CABLES2: variants seen among roughly 807,000 people sequenced by gnomAD.
CABLES2 encodes the protein Cdk5 and Abl enzyme substrate 2, also known as CDK5 and ABL1 enzyme substrate 2.
Under a neutral mutation model 44.8 loss-of-function variants are expected in CABLES2, and 35 were observed. The observed-to-expected ratio is 0.78, with a 90% CI of 0.60 to 1.04. The LOEUF (loss-of-function observed/expected upper bound fraction) is 1.04, where lower values mean the gene tolerates loss of function less well. Among genes scored for constraint, CABLES2 ranks in the 50% least tolerant of loss-of-function variants. The probability of loss-of-function intolerance (pLI) is 0.00; values close to 1 mark genes in which losing one functional copy is unlikely to be tolerated. For synonymous variants in CABLES2, 282 were observed against 281.1 expected, an observed-to-expected ratio of 1.00 and a Z score of -0.03; for missense variants, 566 against 615.7, an observed-to-expected ratio of 0.92 and a Z score of 0.85.
chr20:62,406,965 G>C lies in CABLES2; in HGVS notation c.312C>G (p.Leu104=), dbSNP rs1350637712. ...PARTPAPQGL[L]SPTQVPTGLG... ...GGCCGGTGGGCACCTGCGTGGGGCT[G>C]AGCAGGCCCTGGGGCGCGGGGGTCC... is the stretch of plus-strand genomic sequence containing the variant. The change falls in exon 1 of 10, where the codon CTC becomes CTG. Residue 104 remains leucine, a synonymous_variant. Transcript: ENST00000279101. The C allele has an allele frequency of 1.6e-6, 2 of 1,213,674 alleles. No individual in the cohort carries two copies. The highest frequency in any genetic ancestry group is 4.1e-5 in the South Asian group (1 of 24,144). 75.2% of individuals were successfully genotyped at this position (1,213,674 alleles called of 1,614,324 possible).
At chr20:62,393,883 G>A (rs1987965537) in intron 5 of CABLES2, among the ~76,000 whole-genome samples, 1 of 152,234 alleles carries the variant, frequency 6.6e-6, no homozygotes, top group Admixed American at 6.5e-5. Flanking sequence ...GAGGCCAGAG[G>A]GTTGGCGAGC....
Position 62,398,133 on chromosome 20 carries a change from GTGGTGA to G in CABLES2, c.363-1547_363-1542del, listed in dbSNP as rs1241882979. On this transcript the variant is annotated intron_variant, in intron 1 of 9. Coordinates refer to ENST00000279101, the MANE Select transcript of CABLES2 (RefSeq NM_031215.3). Reference sequence around the variant, plus strand: ...GGTGGTGGTGGTGGTGGTTATGACGGTGGTGATGGTGGTGGTGGTGGTGACGGTGAT... The same window carrying G: ...GGTGGTGGTGGTGGTGGTTATGACGGTGGTGGTGGTGGTGGTGACGGTGAT... Among the ~76,000 whole-genome samples, 95 of 124,774 alleles carry G rather than the reference GTGGTGA, an allele frequency of 7.6e-4. 1 individual carries two copies. The highest frequency in any genetic ancestry group is 1.2e-3 in the Admixed American group (15 of 12,800). The allele number at this position is 124,774 out of a possible 152,430, so 81.9% of individuals were successfully genotyped here. A position where few individuals can be genotyped will look rare whatever the true frequency, so the allele number is the denominator to read the frequency against.
chr20:62,404,895 A>C (rs1988252258), intron 1 of CABLES2: 2 of 152,296 alleles, frequency 1.3e-5, no homozygotes, highest in African/African-American at 4.8e-5. Flanking sequence ...CGCACCTTCT[A>C]ACAATCCCAC....
At chr20:62,395,339 C>T (rs1987999305) in intron 3 of CABLES2, among the ~76,000 whole-genome samples, 1 of 152,206 alleles carries the variant, frequency 6.6e-6, no homozygotes, top group Non-Finnish European at 1.5e-5. Flanking sequence ...CTGGCGGCCT[C>T]ACCTCAGGAT....
chr20:62,398,148 G>GTGGTGGTGACGGTGATGGTGGTAA (rs1988098693), intron 1 of CABLES2, among the ~76,000 whole-genome samples: 2 of 108,716 alleles, frequency 1.8e-5, no homozygotes, highest in Non-Finnish European at 3.8e-5. Flanking sequence ...GATGGTGGTG[G>GTGGTGGTGACGGTGATGGTGGTAA]TGGTGGTGAC....
In CABLES2 at chr20:62,392,419, T is replaced by C. The variant is rs761136183; in HGVS notation, c.1061A>G (p.His354Arg). The C allele has an allele frequency of 2.5e-6, 4 of 1,613,986 alleles. No homozygotes were observed. The highest frequency in any genetic ancestry group is 1.7e-5 in the Admixed American group (1 of 59,998). Reference protein sequence around the residue: ...MNETFREKFPHVKLTLSKIRS... With the variant: ...MNETFREKFPRVKLTLSKIRS... ...GATTTTGCTCAGCGTCAGTTTGACA[T>C]GGGGGAACTTCTCCCTGAAGGTCTC... Residue 354 changes from histidine to arginine, a missense_variant, in exon 8 of 10, where the codon CAT (histidine) becomes CGT (arginine). Transcript: ENST00000279101.
In CABLES2 at chr20:62,396,192, T is replaced by G; in HGVS notation, c.527+123A>C. 1 of 789,616 alleles carries G rather than the reference T, an allele frequency of 1.3e-6. No individual in the cohort carries two copies. The highest frequency in any genetic ancestry group is 2.2e-6 in the Non-Finnish European group (1 of 457,594). 48.9% of individuals were successfully genotyped at this position (789,616 alleles called of 1,614,324 possible). A position where few individuals can be genotyped will look rare whatever the true frequency, so the allele number is the denominator to read the frequency against. On this transcript the variant is annotated intron_variant, in intron 3 of 9. Transcript: ENST00000279101. This position sits in a 1 kb window ranked among gnomAD's most constrained non-coding sequence, Gnocchi z 5.7. ...GGGGAGGAGGGCCCACCTCTAGAGG[T>G]GTGGAGTGTGGGGTGGGCGGGAGCT...
At chr20:62,394,095 T>C (rs1987970920) in intron 5 of CABLES2, 62 bp downstream of exon 5, 1 of 1,314,612 alleles carries the variant, frequency 7.6e-7, no homozygotes, top group Non-Finnish European at 1.1e-6. Context: ...GACGTGGGAC[T>C]GCTCCCACCC....
intron 7 of CABLES2, 146 bp from the exon 8 acceptor site, chr20:62,392,641 A>G: frequency 1.5e-6 from 1 of 687,212 alleles, no homozygotes; most frequent in South Asian, 1.7e-5. Flanking sequence ...TGAGAACAAA[A>G]TGGCTCAAGA....
In CABLES2 at chr20:62,396,713, A is replaced by G. The variant is rs1988028470; in HGVS notation, c.363-121T>C. On this transcript the variant is annotated intron_variant, in intron 1 of 9. Coordinates refer to ENST00000279101, the MANE Select transcript of CABLES2 (RefSeq NM_031215.3). The surrounding 1 kb of genome is among the most constrained non-coding windows in gnomAD (Gnocchi z 5.7). ...CACTCTCCAGCCCAGCGGCGCACCC[A>G]TGGGCCGAGGGGCTTCCAGAGCCCA... The G allele has an allele frequency of 2.9e-6, 3 of 1,032,902 alleles. No homozygotes were observed. The highest frequency in any genetic ancestry group is 4.3e-6 in the Non-Finnish European group (3 of 693,748). The allele number at this position is 1,032,902 out of a possible 1,614,324, so 64.0% of individuals were successfully genotyped here. A position where few individuals can be genotyped will look rare whatever the true frequency, so the allele number is the denominator to read the frequency against.
chr20:62,394,952 T>TC lies in CABLES2; in HGVS notation c.589dup (p.Glu197GlyfsTer7). The TC allele has an allele frequency of 6.2e-7, 1 of 1,612,782 alleles. No homozygotes were observed. Among genetic ancestry groups the TC allele is most frequent in the Non-Finnish European group, 8.5e-7 (1 of 1,179,854 alleles). ...GAGTACTCACCTGATCCGCAGGCCT[T>TC]CCCCATAGGGCAGGACCGAGAAGGC... is the stretch of plus-strand genomic sequence containing the variant. On this transcript the variant is annotated frameshift_variant, in exon 4 of 10. Transcript: ENST00000279101. LOFTEE classifies it high-confidence loss of function.
At position 62,396,293 on chromosome 20, in the gene CABLES2, G is replaced by C; in HGVS notation, c.527+22C>G. The C allele has an allele frequency of 3.1e-6, 5 of 1,606,130 alleles. No homozygotes were observed. The highest frequency in any genetic ancestry group is 4.3e-6 in the Non-Finnish European group (5 of 1,172,934). On this transcript the variant is annotated intron_variant, in intron 3 of 9. Coordinates refer to ENST00000279101, the MANE Select transcript of CABLES2 (RefSeq NM_031215.3). The surrounding 1 kb of genome is among the most constrained non-coding windows in gnomAD (Gnocchi z 5.7). ...CTTATGGAGACCACAGCCCTGGCCCGGTTCCCGGCTCCGCTTCATACCTGC... is the reference window on the plus strand; with the variant it reads ...CTTATGGAGACCACAGCCCTGGCCCCGTTCCCGGCTCCGCTTCATACCTGC...
In CABLES2 at chr20:62,407,236, G is replaced by C; in HGVS notation, c.41C>G (p.Pro14Arg). 1.2e-6 allele frequency: 1 copy of C among 853,082 alleles called. No individual in the cohort carries two copies. The highest frequency in any genetic ancestry group is 1.9e-5 in the African/African-American group (1 of 53,972). The allele number at this position is 853,082 out of a possible 1,614,324, so 52.8% of individuals were successfully genotyped here. ...AAAGGAPGPA[P>R]GPAGPPPPAA... ...GGGTGGCGGGGGCCCGGCGGGGCCG[G>C]GGGCCGGGCCCGGGGCTCCACCGGC... is the stretch of plus-strand genomic sequence containing the variant. Residue 14 changes from proline to arginine, a missense_variant, in exon 1 of 10, where the codon CCC becomes CGC. This residue lies in a region of CABLES2 where 130 missense variants were observed against 79.4 expected (regional missense o/e 1.64). Coordinates refer to ENST00000279101, the MANE Select transcript of CABLES2 (RefSeq NM_031215.3).
At chr20:62,392,533 G>T in intron 7 of CABLES2, 38 bp from the exon 8 acceptor site, 1 of 1,445,568 alleles carries the variant, frequency 6.9e-7, no homozygotes, top group Non-Finnish European at 9.7e-7. Context: ...CCGGCCCCTC[G>T]CACAGTCCAT....
intron 7 of CABLES2, among the ~76,000 whole-genome samples, 157 bp from the exon 8 acceptor site, chr20:62,392,652 G>A (rs1035602063): frequency 6.6e-6 from 1 of 152,228 alleles, no homozygotes; most frequent in Non-Finnish European, 1.5e-5. Context: ...TGGCTCAAGA[G>A]AGAGAACTCC....
Position 62,393,468 on chromosome 20 carries a change from G to T in CABLES2, c.852C>A (p.Thr284=), listed in dbSNP as rs1601472181. The T allele has an allele frequency of 1.6e-5, 25 of 1,611,116 alleles. No homozygotes were observed. In the East Asian group the frequency reaches 5.6e-4, roughly 36 times the overall value. ...GTTCTGTGCTGGCTGGTGCCGACTTGGTGGGGGCAGGTTTATGTCTTGACC... is the reference window on the plus strand; with the variant it reads ...GTTCTGTGCTGGCTGGTGCCGACTTTGTGGGGGCAGGTTTATGTCTTGACC... ...LPGSRHKPAP[T]KSAPASTELG... Residue 284 remains threonine (T), a synonymous_variant, in exon 6 of 10, where the codon ACC becomes ACA. Transcript: ENST00000279101.
intron 1 of CABLES2, among the ~76,000 whole-genome samples, chr20:62,406,533 TG>T (rs972319403): frequency 3.9e-5 from 5 of 126,852 alleles, no homozygotes; most frequent in African/African-American, 9.8e-5. Flanking sequence ...ACCCTATGTG[TG>T]GGGGGTGACA....
At chr20:62,398,554 A>AG (rs929923066) in intron 1 of CABLES2, among the ~76,000 whole-genome samples, 2 of 152,190 alleles carry the variant, frequency 1.3e-5, no homozygotes, top group Admixed American at 1.3e-4. Context: ...GGAACTCTCC[A>AG]GGCTCCAGGC....
rs191209578 is a variant in CABLES2, at chr20:62,391,632, A to G, written c.1092-179T>C. Among the ~76,000 whole-genome samples, 4 of 152,168 alleles carry G rather than the reference A, an allele frequency of 2.6e-5. No individual in the cohort carries two copies. The highest frequency in any genetic ancestry group is 1.9e-4 in the East Asian group (1 of 5,156). ...ATGTATAACGCCCAGGGCAGGGCGC[A>G]TGGGCAGGGACCGGCAGGCTGGGTT... is the stretch of plus-strand genomic sequence containing the variant. On this transcript the variant is annotated intron_variant, in intron 8 of 9. Coordinates refer to ENST00000279101, the MANE Select transcript of CABLES2 (RefSeq NM_031215.3). The surrounding 1 kb of genome is among the most constrained non-coding windows in gnomAD (Gnocchi z 5.7).
Sources: allele counts gnomAD v4.1 joint callset (sites outside exome capture counted in the v4.1 genomes callset), GRCh38; gene constraint gnomAD v4.1.1; regional missense constraint gnomAD v4.1.1; non-coding constraint Gnocchi (gnomAD v3.1); transcripts MANE v1.5; gene names NCBI Gene and HGNC (gene_info 2026-07-23, HGNC 2026-07-21).